EPHB3: variants seen among roughly 807,000 people sequenced by gnomAD.
EPHB3 encodes the protein EPH receptor B3.
Under a neutral mutation model 100.2 loss-of-function variants are expected in EPHB3, and 33 were observed. That is an observed-to-expected ratio of 0.33 (90% CI 0.25 to 0.44). EPHB3 has a LOEUF of 0.44. Ranked by LOEUF, EPHB3 falls within the 20% of genes least tolerant of loss-of-function variation. The pLI is 1.00. For synonymous variants in EPHB3, 526 were observed against 554.7 expected (o/e 0.95, Z 0.73); for missense variants, 1,045 against 1,378.3 (o/e 0.76, Z 3.83).
In EPHB3 at chr3:184,576,870, C is replaced by T; in HGVS notation, c.1041C>T (p.Ile347=). The part of the protein sequence containing the change: ...TTVPSPPRGV[I]SNVNETSLIL... Reference sequence around the variant, plus strand: ...TGCCATCTCCACCCCGAGGTGTGATCTCCAATGTGAATGAAACCTCACTGA... The same window carrying T: ...TGCCATCTCCACCCCGAGGTGTGATTTCCAATGTGAATGAAACCTCACTGA... Residue 347 remains isoleucine (I), a synonymous_variant, in exon 5 of 16, where the codon ATC becomes ATT. Transcript: ENST00000330394. 2 of 1,556,212 alleles carry T rather than the reference C, an allele frequency of 1.3e-6. No individual in the cohort carries two copies. Among genetic ancestry groups the T allele is most frequent in the Non-Finnish European group, 1.7e-6 (2 of 1,147,458 alleles).
chr3:184,578,381 C>T lies in EPHB3; in HGVS notation c.1749-33C>T. ...GAACAAAGGGAGGCAGATGACTTGT[C>T]TCAGGCCTGCCCTCCACCCTGCCAC... On this transcript the variant is annotated intron_variant, in intron 8 of 15. Coordinates refer to ENST00000330394, the MANE Select transcript of EPHB3 (RefSeq NM_004443.4). The surrounding 1 kb of genome is among the most constrained non-coding windows in gnomAD (Gnocchi z 4.7). 6.2e-7 allele frequency: 1 copy of T among 1,613,692 alleles called. No individual in the cohort carries two copies.
rs1255811150 is a variant in EPHB3, at chr3:184,581,072, A to C, written c.2639A>C (p.Asn880Thr). The C allele has an allele frequency of 2.5e-6, 4 of 1,614,146 alleles. No individual in the cohort carries two copies. The highest frequency in any genetic ancestry group is 3.4e-6 in the Non-Finnish European group (4 of 1,180,016). Residue 880 changes from asparagine (N) to threonine (T), a missense_variant, in exon 14 of 16, where the codon AAC becomes ACC. Asn to Thr is a moderately conservative substitution (Grantham distance 65, BLOSUM62 0). Transcript: ENST00000330394. Reference protein sequence around the residue: ...LMLDCWVRDRNLRPKFSQIVN... With the variant: ...LMLDCWVRDRTLRPKFSQIVN... ...CTGGACTGCTGGGTGCGGGACCGGA[A>C]CCTCAGGCCCAAATTCTCCCAGATT...
At chr3:184,574,816 T>C (rs763798769) in intron 3 of EPHB3, among the ~76,000 whole-genome samples, 1 of 152,178 alleles carries the variant, frequency 6.6e-6, no homozygotes, top group Non-Finnish European at 1.5e-5. Flanking sequence ...CTGGTTCCCA[T>C]AGCAACCAGG....
rs759482822 is a variant in EPHB3, at chr3:184,578,223, G to A, written c.1749-191G>A. The A allele has an allele frequency of 4.4e-6, 4 of 910,340 alleles. No individual in the cohort carries two copies. The highest frequency in any genetic ancestry group is 1.7e-5 in the South Asian group (1 of 58,954). 56.4% of individuals were successfully genotyped at this position (910,340 alleles called of 1,614,324 possible). A position where few individuals can be genotyped will look rare whatever the true frequency, so the allele number is the denominator to read the frequency against. On this transcript the variant is annotated intron_variant, in intron 8 of 15. Coordinates refer to ENST00000330394, the MANE Select transcript of EPHB3 (RefSeq NM_004443.4). This position sits in a 1 kb window ranked among gnomAD's most constrained non-coding sequence, Gnocchi z 4.7. ...CCCCATTCCCTGAATCTCCGGGCAG[G>A]TTCCCTAGGGACTGAGTCCACTGAA...
In EPHB3 at chr3:184,562,264, C is replaced by T; in HGVS notation, c.29C>T (p.Pro10Leu). ...GCCAGAGCCCGCCCGCCGCCGCCGC[C>T]GTCGCCGCCGCCGGGGCTTCTGCCG... MARARPPPP[P>L]SPPPGLLPLL... The change falls in exon 1 of 16, where the codon CCG becomes CTG. Residue 10 changes from proline (P) to leucine (L), a missense_variant. Coordinates refer to ENST00000330394, the MANE Select transcript of EPHB3 (RefSeq NM_004443.4). This position sits in a 1 kb window ranked among gnomAD's most constrained non-coding sequence, Gnocchi z 4.8. 1.7e-6 allele frequency: 2 copies of T among 1,155,342 alleles called. No individual in the cohort carries two copies. The highest frequency in any genetic ancestry group is 2.2e-6 in the Non-Finnish European group (2 of 925,870). 71.6% of individuals were successfully genotyped at this position (1,155,342 alleles called of 1,614,324 possible). A position where few individuals can be genotyped will look rare whatever the true frequency, so the allele number is the denominator to read the frequency against.
At position 184,572,907 on chromosome 3, in the gene EPHB3, A is replaced by C; in HGVS notation, c.587A>C (p.Gln196Pro). 6.4e-7 allele frequency: 1 copy of C among 1,563,964 alleles called. No homozygotes were observed. Among genetic ancestry groups the C allele is most frequent in the Non-Finnish European group, 8.7e-7 (1 of 1,154,012 alleles). ...GGCTTCTACCTGGCCTTCCAGGACC[A>C]GGGCGCCTGCATGTCGCTCATCTCC... ...KAGFYLAFQD[Q>P]GACMSLISVR... The change falls in exon 3 of 16, where the codon CAG (glutamine) becomes CCG (proline). Residue 196 changes from glutamine to proline, a missense_variant. Physicochemically the swap from Gln to Pro is moderately conservative, Grantham distance 76 (BLOSUM62 -1). This residue lies in a region of EPHB3 where 985 missense variants were observed against 1,331.1 expected (regional missense o/e 0.74). Transcript: ENST00000330394. The surrounding 1 kb of genome is among the most constrained non-coding windows in gnomAD (Gnocchi z 6.6).
Position 184,572,996 on chromosome 3 carries a change from C to G in EPHB3, c.676C>G (p.Leu226Val), listed in dbSNP as rs1288096728. 6.2e-7 allele frequency: 1 copy of G among 1,610,262 alleles called. No individual in the cohort carries two copies. Among genetic ancestry groups the G allele is most frequent in the African/African-American group, 1.3e-5 (1 of 74,884 alleles). Reference sequence around the variant, plus strand: ...AGGCTTCGCACTCTTCCCCGAGACCCTCACTGGGGCGGAGCCCACCTCGCT... The same window carrying G: ...AGGCTTCGCACTCTTCCCCGAGACCGTCACTGGGGCGGAGCCCACCTCGCT... Reference protein sequence around the residue: ...TAGFALFPETLTGAEPTSLVI... With the variant: ...TAGFALFPETVTGAEPTSLVI... Residue 226 changes from leucine to valine, a missense_variant, in exon 3 of 16, where the codon CTC becomes GTC. Coordinates refer to ENST00000330394, the MANE Select transcript of EPHB3 (RefSeq NM_004443.4). This position sits in a 1 kb window ranked among gnomAD's most constrained non-coding sequence, Gnocchi z 6.6.
chr3:184,577,803 C>A lies in EPHB3; in HGVS notation c.1625C>A (p.Thr542Asn), dbSNP rs1454640254. The change falls in exon 7 of 16, where the codon ACC becomes AAC. Residue 542 changes from threonine (T) to asparagine (N), a missense_variant. Thr to Asn is a moderately conservative substitution (Grantham distance 65, BLOSUM62 0). Coordinates refer to ENST00000330394, the MANE Select transcript of EPHB3 (RefSeq NM_004443.4). The surrounding 1 kb of genome is among the most constrained non-coding windows in gnomAD (Gnocchi z 4.9). ...TACAGCCGCCCTGCCGAGTTTGAGA[C>A]CACAAGTGAGAGAGGTTAGTAGCCC... ...GQYSRPAEFE[T>N]TSERGSGAQQ... is the part of the protein sequence containing the mutation. 1.2e-6 allele frequency: 2 copies of A among 1,605,940 alleles called. No homozygotes were observed. Among genetic ancestry groups the A allele is most frequent in the African/African-American group, 1.3e-5 (1 of 74,774 alleles).
In EPHB3 at chr3:184,582,364, A is replaced by G. The variant is rs1473077903; in HGVS notation, c.*742A>G. 1.3e-5 allele frequency: 2 copies of G among 152,296 alleles called. No individual in the cohort carries two copies. Among genetic ancestry groups the G allele is most frequent in the Non-Finnish European group, 2.9e-5 (2 of 68,072 alleles). The allele number at this position is 152,296 out of a possible 1,614,324, so 9.4% of individuals were successfully genotyped here. ...GTAAAAGCTTGGCCCTGTGCCCTACAATGGGGCCAGCTGGGCCGACAGCAG... is the reference window on the plus strand; with the variant it reads ...GTAAAAGCTTGGCCCTGTGCCCTACGATGGGGCCAGCTGGGCCGACAGCAG... On this transcript the variant is annotated 3_prime_UTR_variant, in exon 16 of 16. Coordinates refer to ENST00000330394, the MANE Select transcript of EPHB3 (RefSeq NM_004443.4).
At chr3:184,567,958 G>T (rs1006891503) in intron 1 of EPHB3, among the ~76,000 whole-genome samples, 1 of 152,176 alleles carries the variant, frequency 6.6e-6, no homozygotes, top group Non-Finnish European at 1.5e-5. Flanking sequence ...ATGCATCCGT[G>T]TGTCTGAGAA....
At position 184,573,030 on chromosome 3, in the gene EPHB3, C is replaced by A; in HGVS notation, c.710C>A (p.Ala237Asp). 1 of 1,613,144 alleles carries A rather than the reference C, an allele frequency of 6.2e-7. No individual in the cohort carries two copies. Among genetic ancestry groups the A allele is most frequent in the Non-Finnish European group, 8.5e-7 (1 of 1,179,940 alleles). ...GCGGAGCCCACCTCGCTGGTCATTG[C>A]TCCTGGCACCTGCATCCCTAACGCC... ...TGAEPTSLVI[A>D]PGTCIPNAVE... The change falls in exon 3 of 16, where the codon GCT (alanine) becomes GAT (aspartate). Residue 237 changes from alanine to aspartate, a missense_variant. Ala to Asp is a moderately radical substitution (Grantham distance 126). This residue lies in a region of EPHB3 where 985 missense variants were observed against 1,331.1 expected (regional missense o/e 0.74). Coordinates refer to ENST00000330394, the MANE Select transcript of EPHB3 (RefSeq NM_004443.4). This position sits in a 1 kb window ranked among gnomAD's most constrained non-coding sequence, Gnocchi z 4.5.
At position 184,571,239 on chromosome 3, in the gene EPHB3, C is replaced by T. The variant is rs1714531622; in HGVS notation, c.119-79C>T. The T allele has an allele frequency of 6.8e-7, 1 of 1,462,036 alleles. No individual in the cohort carries two copies. The allele number at this position is 1,462,036 out of a possible 1,614,324, so 90.6% of individuals were successfully genotyped here. On this transcript the variant is annotated intron_variant, in intron 1 of 15. Coordinates refer to ENST00000330394, the MANE Select transcript of EPHB3 (RefSeq NM_004443.4). This position sits in a 1 kb window ranked among gnomAD's most constrained non-coding sequence, Gnocchi z 5.0. The stretch of plus-strand genomic sequence containing the variant: ...AAAGTGCTGGGATTACAGGTGTGAG[C>T]CACTTCGCTCATCTGTGATCTCTTC...
In EPHB3 at chr3:184,581,581, A is replaced by G; in HGVS notation, c.2956A>G (p.Met986Val). The G allele has an allele frequency of 6.2e-7, 1 of 1,613,660 alleles. No individual in the cohort carries two copies. The highest frequency in any genetic ancestry group is 8.5e-7 in the Non-Finnish European group (1 of 1,179,886). ...GAAGATCCTGAGCAGTATCCAGGAC[A>G]TGCGGCTGCAGATGAACCAGACGCT... ...QKKILSSIQDMRLQMNQTLPV... is the reference protein window; with the variant it reads ...QKKILSSIQDVRLQMNQTLPV... The change falls in exon 16 of 16, where the codon ATG (methionine) becomes GTG (valine). Residue 986 changes from methionine to valine, a missense_variant. Transcript: ENST00000330394.
rs762168486 is a variant in EPHB3, at chr3:184,578,038, C to T, written c.1748+32C>T. 89 of 1,608,692 alleles carry T rather than the reference C, an allele frequency of 5.5e-5. No individual in the cohort carries two copies. Among genetic ancestry groups the T allele is most frequent in the Non-Finnish European group, 6.7e-5 (79 of 1,176,358 alleles). On this transcript the variant is annotated intron_variant, in intron 8 of 15. Coordinates refer to ENST00000330394, the MANE Select transcript of EPHB3 (RefSeq NM_004443.4). This position sits in a 1 kb window ranked among gnomAD's most constrained non-coding sequence, Gnocchi z 4.7. Reference sequence around the variant, plus strand: ...CCAGGCCCACTGTTGCTCCATGGGCCGCCTCGAACTGCCCTTTAGCATCCT... The same window carrying T: ...CCAGGCCCACTGTTGCTCCATGGGCTGCCTCGAACTGCCCTTTAGCATCCT...
rs1329756190 is a variant in EPHB3, at chr3:184,578,444, C to T, written c.1779C>T (p.Tyr593=). The T allele has an allele frequency of 1.2e-6, 2 of 1,613,952 alleles. No individual in the cohort carries two copies. Among genetic ancestry groups the T allele is most frequent in the Non-Finnish European group, 8.5e-7 (1 of 1,179,966 alleles). ...RKQRHGSDSE[Y]TEKLQQYIAP... ...AGCGACACGGCTCTGATTCGGAGTA[C>T]ACGGAGAAGCTGCAGCAGTACAGTG... Residue 593 remains tyrosine (Y), a synonymous_variant, in exon 9 of 16, where the codon TAC becomes TAT. Transcript: ENST00000330394. This position sits in a 1 kb window ranked among gnomAD's most constrained non-coding sequence, Gnocchi z 4.7.
In EPHB3 at chr3:184,579,647, G is replaced by C. The variant is rs769388174; in HGVS notation, c.1925-40G>C. 1.2e-6 allele frequency: 2 copies of C among 1,612,240 alleles called. No homozygotes were observed. The highest frequency in any genetic ancestry group is 4.5e-5 in the East Asian group (2 of 44,782). On this transcript the variant is annotated intron_variant, in intron 10 of 15. Transcript: ENST00000330394. The surrounding 1 kb of genome is among the most constrained non-coding windows in gnomAD (Gnocchi z 5.2). The stretch of plus-strand genomic sequence containing the variant: ...GAGATGAGAAGCTGAGGCGGGCTGG[G>C]TACAGGAGTGAGTCATAGCTTGTGC...
rs758237101 is a variant in EPHB3, at chr3:184,579,488, A to G, written c.1813A>G (p.Met605Val). The change falls in exon 10 of 16, where the codon ATG becomes GTG. Residue 605 changes from methionine to valine, a missense_variant. By Grantham distance (21) the Met-to-Val change is conservative. Transcript: ENST00000330394. This position sits in a 1 kb window ranked among gnomAD's most constrained non-coding sequence, Gnocchi z 5.2. The part of the protein sequence containing the change: ...EKLQQYIAPG[M>V]KVYIDPFTYE... ...TCTTCTCCCTCCAGTTGCTCCTGGA[A>G]TGAAGGTTTATATTGACCCTTTTAC... 3.7e-6 allele frequency: 6 copies of G among 1,613,416 alleles called. No homozygotes were observed. Among genetic ancestry groups the G allele is most frequent in the Admixed American group, 1.7e-5 (1 of 59,980 alleles).
rs78930071 is a variant in EPHB3 at position 184,571,255 on chromosome 3, T to G, written c.119-63T>G. 6.4e-7 allele frequency: 1 copy of G among 1,574,774 alleles called. No homozygotes were observed. Among genetic ancestry groups the G allele is most frequent in the Non-Finnish European group, 8.7e-7 (1 of 1,145,000 alleles). On this transcript the variant is annotated intron_variant, in intron 1 of 15. Coordinates refer to ENST00000330394, the MANE Select transcript of EPHB3 (RefSeq NM_004443.4). The surrounding 1 kb of genome is among the most constrained non-coding windows in gnomAD (Gnocchi z 5.0). ...AGGTGTGAGCCACTTCGCTCATCTGTGATCTCTTCTGTCTCCTCAACCTGA... is the reference window on the plus strand; with the variant it reads ...AGGTGTGAGCCACTTCGCTCATCTGGGATCTCTTCTGTCTCCTCAACCTGA...
At position 184,572,500 on chromosome 3, in the gene EPHB3, A is replaced by G. The variant is rs1322528218; in HGVS notation, c.184-4A>G. On this transcript the variant is annotated splice_region_variant and splice_polypyrimidine_tract_variant and intron_variant, in intron 2 of 15. Transcript: ENST00000330394. This position sits in a 1 kb window ranked among gnomAD's most constrained non-coding sequence, Gnocchi z 6.6. ...CTCTGTCTTTTTCATTGGTCCATGC[A>G]CAGTGGGAAGAGGTGAGTGGCTACG... is the stretch of plus-strand genomic sequence containing the variant. 5 of 1,560,334 alleles carry G rather than the reference A, an allele frequency of 3.2e-6. No homozygotes were observed. In the African/African-American group the frequency reaches 6.8e-5, roughly 21 times the overall value.
Sources: allele counts gnomAD v4.1 joint callset (sites outside exome capture counted in the v4.1 genomes callset), GRCh38; gene constraint gnomAD v4.1.1; regional missense constraint gnomAD v4.1.1; non-coding constraint Gnocchi (gnomAD v3.1); transcripts MANE v1.5; gene names NCBI Gene and HGNC (gene_info 2026-07-23, HGNC 2026-07-21).